Variants in TTLL9 observed in about 807,000 individuals in gnomAD.
TTLL9 encodes the protein tubulin tyrosine ligase like 9.
A neutral mutation model predicts 65.6 loss-of-function variants in TTLL9; 47 were observed. That is an observed-to-expected ratio of 0.72 (90% CI 0.57 to 0.91). The LOEUF is 0.91. Among genes scored for constraint, TTLL9 ranks in the 40% least tolerant of loss-of-function variants. The pLI, the probability that TTLL9 is intolerant of heterozygous loss-of-function variation, is 0.00. For missense variants in TTLL9, 537 were observed against 568.8 expected, an observed-to-expected ratio of 0.94 and a Z score of 0.57; for synonymous variants, 179 against 204.8, an observed-to-expected ratio of 0.87 and a Z score of 1.07.
chr20:31,930,145 A>G (rs973107739), intron 10 of TTLL9, among the ~76,000 whole-genome samples: 1 of 151,954 alleles, frequency 6.6e-6, no homozygotes, highest in African/African-American at 2.4e-5. Flanking sequence ...AATAAATAAA[A>G]ATAAAATATT....
At chr20:31,941,581 C>T (rs1012010255) in intron 14 of TTLL9, among the ~76,000 whole-genome samples, 2 of 151,276 alleles carry the variant, frequency 1.3e-5, no homozygotes, top group Admixed American at 6.6e-5. Context: ...TTTTTTGAGA[C>T]GGAGTCTCGC....
intron 3 of TTLL9, among the ~76,000 whole-genome samples, chr20:31,895,810 CATGT>C (rs965348985): frequency 2.9e-5 from 4 of 138,608 alleles, no homozygotes; most frequent in Admixed American, 7.3e-5. Context: ...TAAGGTTATT[CATGT>C]ATTTATTTAT....
At chr20:31,938,405 G>A (rs923056685) in intron 13 of TTLL9, 3 of 355,232 alleles carry the variant, frequency 8.4e-6, no homozygotes, top group Admixed American at 3.7e-5. Context: ...TGCTGAGCAG[G>A]CAGAAACCTC....
At position 31,887,151 on chromosome 20, in the gene TTLL9, C is replaced by A. The variant is rs780131762; in HGVS notation, c.70-45C>A. On this transcript the variant is annotated intron_variant, in intron 2 of 14. Transcript: ENST00000535842. The stretch of plus-strand genomic sequence containing the variant: ...AGTAAGTTAACCTGGGAAAACAGGG[C>A]AGATATACAAAACCAGTTACATCCT... The A allele has an allele frequency of 7.5e-6, 12 of 1,596,248 alleles. No homozygotes were observed. In the African/African-American group the frequency reaches 9.4e-5, roughly 12 times the overall value.
intron 3 of TTLL9, among the ~76,000 whole-genome samples, chr20:31,889,517 G>C (rs2063251667): frequency 6.6e-6 from 1 of 151,700 alleles, no homozygotes; most frequent in East Asian, 1.9e-4. Context: ...CTGCCTCCCG[G>C]GTTCAAGTGA....
chr20:31,873,029 T>C, intron 2 of TTLL9: 1 of 518,282 alleles, frequency 1.9e-6, no homozygotes, highest in Non-Finnish European at 3.9e-6. Flanking sequence ...TGGGGGCCAC[T>C]GCAGCAGCTC....
intron 3 of TTLL9, among the ~76,000 whole-genome samples, chr20:31,888,303 T>C (rs1340242282): frequency 6.6e-6 from 1 of 152,228 alleles, no homozygotes; most frequent in Non-Finnish European, 1.5e-5. Context: ...CTCTCCATAC[T>C]GACTATCCCA....
In TTLL9 at chr20:31,925,048, C is replaced by T. The variant is rs777962138; in HGVS notation, c.704C>T (p.Ser235Leu). ...FDLRVYVLVM[S>L]VFAECLLWSG... ...CTGCGTGTCTATGTGCTGGTGATGT[C>T]GGTGAGTAACAAAGGTGGGGGCCCT... The change falls in exon 9 of 15, where the codon TCG becomes TTG. Residue 235 changes from serine to leucine, a missense_variant and splice_region_variant. This residue lies in a region of TTLL9 where 320 missense variants were observed against 311.0 expected (regional missense o/e 1.03). Transcript: ENST00000535842. 41 of 1,613,894 alleles carry T rather than the reference C, an allele frequency of 2.5e-5. No individual in the cohort carries two copies. The highest frequency in any genetic ancestry group is 5.5e-5 in the South Asian group (5 of 91,058).
intron 6 of TTLL9, among the ~76,000 whole-genome samples, chr20:31,918,516 G>A (rs566854182): frequency 1.1e-4 from 17 of 152,036 alleles, no homozygotes; most frequent in African/African-American, 4.1e-4. Flanking sequence ...GTACTACAGG[G>A]GTGCACTCTC....
chr20:31,899,201 A>G (rs1450621023), intron 4 of TTLL9, among the ~76,000 whole-genome samples: 1 of 152,250 alleles, frequency 6.6e-6, no homozygotes. Context: ...AGGGGGCCCC[A>G]CAGAAATGTG....
intron 10 of TTLL9, among the ~76,000 whole-genome samples, chr20:31,930,010 C>T (rs2063979018): frequency 6.6e-6 from 1 of 152,098 alleles, no homozygotes; most frequent in Non-Finnish European, 1.5e-5. Flanking sequence ...CGCCTGTAAT[C>T]CCAGCTACTC....
intron 12 of TTLL9, 23 bp from the exon 13 acceptor site, chr20:31,937,371 ACT>A (rs749492603): frequency 4.5e-5 from 71 of 1,584,570 alleles, no homozygotes; most frequent in Middle Eastern, 1.7e-4. Context: ...TAACCCTAAG[ACT>A]CTCTACTCCC....
Position 31,871,200 on chromosome 20 carries a change from ATGTTGGGAGAGGGG to A in TTLL9, c.69+7_69+20del, listed in dbSNP as rs2062925274. On this transcript the variant is annotated splice_donor_region_variant and intron_variant, in intron 2 of 14. Coordinates refer to ENST00000535842, the MANE Select transcript of TTLL9 (RefSeq NM_001008409.5). ...AGGTGCCCCAAGAAATTACAGGTGA[ATGTTGGGAGAGGGG>A]TTTGAGGGAGGGTTCCAGTCTGAAG... is the stretch of plus-strand genomic sequence containing the variant. The A allele has an allele frequency of 6.2e-7, 1 of 1,613,802 alleles. No homozygotes were observed. Among genetic ancestry groups the A allele is most frequent in the Admixed American group, 1.7e-5 (1 of 60,016 alleles).
At chr20:31,920,029 C>A in intron 7 of TTLL9, 97 bp downstream of exon 7, 2 of 1,140,078 alleles carry the variant, frequency 1.8e-6, no homozygotes, top group South Asian at 1.9e-5. Context: ...AGAGGGCTGG[C>A]AGAGAAACTC....
chr20:31,893,946 A>T (rs574443870), intron 3 of TTLL9, among the ~76,000 whole-genome samples: 1 of 151,742 alleles, frequency 6.6e-6, no homozygotes, highest in Admixed American at 6.6e-5. Flanking sequence ...TCATGTATAA[A>T]TTTTTTCTCT....
chr20:31,910,001 C>T, intron 6 of TTLL9, 79 bp downstream of exon 6: 1 of 1,421,104 alleles, frequency 7.0e-7, no homozygotes, highest in Non-Finnish European at 9.7e-7. Flanking sequence ...CAGACACTGC[C>T]TGGGAATTCA....
In TTLL9 at chr20:31,909,818, G is replaced by C. The variant is rs777391555; in HGVS notation, c.400G>C (p.Ala134Pro). 2 of 1,614,222 alleles carry C rather than the reference G, an allele frequency of 1.2e-6. No individual in the cohort carries two copies. Among genetic ancestry groups the C allele is most frequent in the Admixed American group, 3.3e-5 (2 of 60,032 alleles). ...GCGTGAGGCAGGAAAGCTGGAGGCA[G>C]CCAAGTGTGACTTCTTCCCCAAAAC... ...LEREAGKLEA[A>P]KCDFFPKTFE... The change falls in exon 6 of 15, where the codon GCC becomes CCC. Residue 134 changes from alanine to proline, a missense_variant. By Grantham distance (27) the Ala-to-Pro change is conservative. Around this residue, in one of 3 missense-constraint regions of TTLL9, gnomAD observed 320 missense variants for 311.0 expected, o/e 1.03. Transcript: ENST00000535842.
chr20:31,934,728 C>G lies in TTLL9; in HGVS notation c.844C>G (p.Leu282Val). 3 of 1,612,408 alleles carry G rather than the reference C, an allele frequency of 1.9e-6. No individual in the cohort carries two copies. Among genetic ancestry groups the G allele is most frequent in the East Asian group, 2.2e-5 (1 of 44,878 alleles). Residue 282 changes from leucine to valine, a missense_variant, in exon 12 of 15, where the codon CTG (leucine) becomes GTG (valine). Leu to Val is a conservative substitution (Grantham distance 32). This residue lies in a region of TTLL9 where 205 missense variants were observed against 225.9 expected (regional missense o/e 0.91). Coordinates refer to ENST00000535842, the MANE Select transcript of TTLL9 (RefSeq NM_001008409.5). ...GACGCTGCAGCGCTTCCGGCAGTACCTGGCGTCCAAACACGGGCCCGAGGC... is the reference window on the plus strand; with the variant it reads ...GACGCTGCAGCGCTTCCGGCAGTACGTGGCGTCCAAACACGGGCCCGAGGC... ...KWTLQRFRQY[L>V]ASKHGPEAVE...
intron 4 of TTLL9, chr20:31,901,554 G>C (rs2123475223): frequency 6.6e-6 from 1 of 152,358 alleles, no homozygotes; most frequent in South Asian, 2.1e-4. Context: ...AATCCACACG[G>C]TGGTCTACAA....
Sources: gnomAD v4.1 joint callset for allele counts (sites outside exome capture counted in the v4.1 genomes callset) on GRCh38, gnomAD v4.1.1 for gene constraint, gnomAD v4.1.1 regional missense constraint, MANE v1.5 for transcripts, NCBI Gene and HGNC (gene_info 2026-07-23, HGNC 2026-07-21) for gene names.